Variants in ATP2A1 observed in about 807,000 individuals in gnomAD.
ATP2A1 encodes the protein sarcoplasmic/endoplasmic reticulum calcium ATPase 1.
ATP2A1 carries 83 observed loss-of-function variants against 109.5 expected under a neutral mutation model. The observed-to-expected ratio is 0.76, with a 90% CI of 0.63 to 0.91. The LOEUF is 0.91. ATP2A1 is among the 40% of genes least tolerant of loss of function. The pLI, the probability that ATP2A1 is intolerant of heterozygous loss-of-function variation, is 0.00. For synonymous variants in ATP2A1, 505 were observed against 537.6 expected (o/e 0.94, Z 0.84); for missense variants, 1,101 against 1,341.0 (o/e 0.82, Z 2.80).
intron 9 of ATP2A1, chr16:28,892,248 G>A: frequency 4.7e-6 from 1 of 210,830 alleles, no homozygotes; most frequent in Non-Finnish European, 1.0e-5. Context: ...AATGTCAAAC[G>A]TCAGCTTGAG....
chr16:28,886,081 G>A (rs1357680088), intron 6 of ATP2A1, among the ~76,000 whole-genome samples: 1 of 152,116 alleles, frequency 6.6e-6, no homozygotes, highest in Non-Finnish European at 1.5e-5. Flanking sequence ...TGAGGTGGGA[G>A]GATTGCCTAA....
intron 2 of ATP2A1, 56 bp from the exon 3 acceptor site, chr16:28,879,445 C>CAGACCTTCACCCACT: frequency 6.5e-7 from 1 of 1,547,644 alleles, no homozygotes; most frequent in Non-Finnish European, 8.9e-7. Flanking sequence ...CGCTCCATCC[C>CAGACCTTCACCCACT]AGACCTTCAC....
intron 6 of ATP2A1, 59 bp downstream of exon 6, chr16:28,884,714 A>G: frequency 4.7e-6 from 7 of 1,476,400 alleles, no homozygotes. Flanking sequence ...AAGAGGCAAC[A>G]AGGGGGAGGT....
chr16:28,904,156 C>T, intron 22 of ATP2A1, 24 bp from the exon 23 acceptor site: 1 of 1,599,904 alleles, frequency 6.3e-7, no homozygotes, highest in Admixed American at 1.7e-5. Flanking sequence ...CCGCCTGCCT[C>T]ATCCCTTCTC....
At chr16:28,878,887 TAAGG>T in intron 1 of ATP2A1, 98 bp downstream of exon 1, 2 of 1,425,568 alleles carry the variant, frequency 1.4e-6, no homozygotes, top group Non-Finnish European at 2.0e-6. Flanking sequence ...CAGGGTTTCT[TAAGG>T]AAGAGCTGGG....
In ATP2A1 at chr16:28,892,247, C is replaced by T. The variant is rs553551240; in HGVS notation, c.1096-1908C>T. 1.5e-4 allele frequency: 32 copies of T among 211,132 alleles called. 1 individual carries two copies. The South Asian group carries it at 1.6e-3, about 11-fold the overall frequency. The allele number at this position is 211,132 out of a possible 1,614,324, so 13.1% of individuals were successfully genotyped here. A position where few individuals can be genotyped will look rare whatever the true frequency, so the allele number is the denominator to read the frequency against. On this transcript the variant is annotated intron_variant, in intron 9 of 22. Coordinates refer to ENST00000395503, the MANE Select transcript of ATP2A1 (RefSeq NM_004320.6). ...TGCATAACTGGAAGGAAATGTCAAA[C>T]GTCAGCTTGAGAACAAGAAAAGCTG...
rs555479158 is a variant in ATP2A1, at chr16:28,902,930, C to T, written c.2744+19C>T. On this transcript the variant is annotated intron_variant, in intron 19 of 22. Transcript: ENST00000395503. This position sits in a 1 kb window ranked among gnomAD's most constrained non-coding sequence, Gnocchi z 4.8. ...TGAACAGGTGGGGGCCCCCCAGCTA[C>T]ACCCACCACCCTCCCCTGAGGCCAC... 1.5e-5 allele frequency: 24 copies of T among 1,613,738 alleles called. No homozygotes were observed. Among genetic ancestry groups the T allele is most frequent in the South Asian group, 6.6e-5 (6 of 91,074 alleles).
chr16:28,895,675 A>G (rs1483435488), intron 12 of ATP2A1, among the ~76,000 whole-genome samples: 1 of 151,002 alleles, frequency 6.6e-6, no homozygotes, highest in African/African-American at 2.5e-5. Flanking sequence ...AAAAAAAACG[A>G]AAACAAAAAC....
chr16:28,879,060 C>T, intron 1 of ATP2A1, 39 bp from the exon 2 acceptor site: 1 of 1,613,980 alleles, frequency 6.2e-7, no homozygotes, highest in Non-Finnish European at 8.5e-7. Flanking sequence ...GAGGCTGAAC[C>T]CCAAATGAAT....
chr16:28,902,984 C>T lies in ATP2A1; in HGVS notation c.2745-46C>T, dbSNP rs751190371. 9.3e-6 allele frequency: 15 copies of T among 1,613,472 alleles called. No individual in the cohort carries two copies. The highest frequency in any genetic ancestry group is 1.3e-5 in the Non-Finnish European group (15 of 1,179,800). On this transcript the variant is annotated intron_variant, in intron 19 of 22. Coordinates refer to ENST00000395503, the MANE Select transcript of ATP2A1 (RefSeq NM_004320.6). This position sits in a 1 kb window ranked among gnomAD's most constrained non-coding sequence, Gnocchi z 4.8. The stretch of plus-strand genomic sequence containing the variant: ...CCACATCCTCCACTGTGCCGCCCAC[C>T]TCCTTCCTCCTCACTGTGCCTTCTC...
At position 28,883,118 on chromosome 16, in the gene ATP2A1, C is replaced by A. The variant is rs540794637; in HGVS notation, c.463+529C>A. Among the ~76,000 whole-genome samples, 2 of 152,378 alleles carry A rather than the reference C, an allele frequency of 1.3e-5. No individual in the cohort carries two copies. The highest frequency in any genetic ancestry group is 1.3e-4 in the Admixed American group (2 of 15,312). On this transcript the variant is annotated intron_variant, in intron 5 of 22. Coordinates refer to ENST00000395503, the MANE Select transcript of ATP2A1 (RefSeq NM_004320.6). The surrounding 1 kb of genome is among the most constrained non-coding windows in gnomAD (Gnocchi z 5.2). Reference sequence around the variant, plus strand: ...GGAGGGAGCTCAAGGAGGGCCCCGCCCGCGGCAAGGGACACTTAATGCCTG... The same window carrying A: ...GGAGGGAGCTCAAGGAGGGCCCCGCACGCGGCAAGGGACACTTAATGCCTG...
In ATP2A1 at chr16:28,900,790, C is replaced by T. The variant is rs61626938; in HGVS notation, c.1974C>T (p.Phe658=). The T allele has an allele frequency of 5.3e-4, 848 of 1,614,180 alleles. No homozygotes were observed. In the African/African-American group the frequency reaches 9.7e-3, roughly 18 times the overall value. ...VADRAYTGRE[F]DDLPLAEQRE... is the part of the protein sequence containing the mutation. ...ATCGCGCCTACACGGGCCGAGAGTT[C>T]GACGACCTGCCCCTGGCTGAACAGC... Residue 658 remains phenylalanine, a synonymous_variant, in exon 15 of 23, where the codon TTC becomes TTT. Coordinates refer to ENST00000395503, the MANE Select transcript of ATP2A1 (RefSeq NM_004320.6).
intron 5 of ATP2A1, 108 bp from the exon 6 acceptor site, chr16:28,884,467 A>T: frequency 3.6e-6 from 4 of 1,102,150 alleles, no homozygotes; most frequent in Non-Finnish European, 5.4e-6. Flanking sequence ...CCTCCCTGAG[A>T]CCTGAAGGAT....
In ATP2A1 at chr16:28,903,003, C is replaced by A; in HGVS notation, c.2745-27C>A. 1 of 1,609,306 alleles carries A rather than the reference C, an allele frequency of 6.2e-7. No homozygotes were observed. Among genetic ancestry groups the A allele is most frequent in the Non-Finnish European group, 8.5e-7 (1 of 1,175,986 alleles). ...GCCCACCTCCTTCCTCCTCACTGTG[C>A]CTTCTCCCTCCCCTTCCCCTCTGCA... On this transcript the variant is annotated intron_variant, in intron 19 of 22. Coordinates refer to ENST00000395503, the MANE Select transcript of ATP2A1 (RefSeq NM_004320.6). This position sits in a 1 kb window ranked among gnomAD's most constrained non-coding sequence, Gnocchi z 5.6.
intron 9 of ATP2A1, 135 bp downstream of exon 9, chr16:28,889,088 G>A: frequency 7.8e-7 from 1 of 1,284,332 alleles, no homozygotes; most frequent in Non-Finnish European, 1.1e-6. Flanking sequence ...AAGGGCAGTA[G>A]AACGCCATCC....
Position 28,903,234 on chromosome 16 carries a change from G to A in ATP2A1, c.2862+87G>A, listed in dbSNP as rs539425928. ...GACCACTCCCACCAGGGGCGCCGAT[G>A]TGGGAGGCTGGTGGGAGTGGGCTGG... On this transcript the variant is annotated intron_variant, in intron 20 of 22. Coordinates refer to ENST00000395503, the MANE Select transcript of ATP2A1 (RefSeq NM_004320.6). This position sits in a 1 kb window ranked among gnomAD's most constrained non-coding sequence, Gnocchi z 5.6. 14 of 1,577,930 alleles carry A rather than the reference G, an allele frequency of 8.9e-6. No individual in the cohort carries two copies. The highest frequency in any genetic ancestry group is 7.7e-5 in the South Asian group (7 of 90,354).
chr16:28,879,254 G>A, intron 2 of ATP2A1, 138 bp downstream of exon 2: 1 of 1,194,228 alleles, frequency 8.4e-7, no homozygotes, highest in African/African-American at 1.5e-5. Flanking sequence ...CTAAAGGTTA[G>A]AGTCCTGTCC....
At position 28,900,652 on chromosome 16, in the gene ATP2A1, G is replaced by C. The variant is rs1964046751; in HGVS notation, c.1836G>C (p.Gln612His). Residue 612 changes from glutamine to histidine, a missense_variant, in exon 15 of 23, where the codon CAG becomes CAC. Gln to His is a conservative substitution (Grantham distance 24, BLOSUM62 0). Coordinates refer to ENST00000395503, the MANE Select transcript of ATP2A1 (RefSeq NM_004320.6). The stretch of plus-strand genomic sequence containing the variant: ...GCAAGGAGGTCACGGGCTCCATCCA[G>C]CTGTGCCGTGACGCCGGGATCCGGG... ...PPRKEVTGSI[Q>H]LCRDAGIRVI... 1.9e-6 allele frequency: 3 copies of C among 1,608,452 alleles called. No homozygotes were observed. The highest frequency in any genetic ancestry group is 2.6e-6 in the Non-Finnish European group (3 of 1,175,860).
At chr16:28,879,195 T>G in intron 2 of ATP2A1, 79 bp downstream of exon 2, 1 of 1,499,198 alleles carries the variant, frequency 6.7e-7, no homozygotes, top group Non-Finnish European at 9.2e-7. Flanking sequence ...TCCCTGCCTC[T>G]TTAGATTCTT....
Sources: gnomAD v4.1 joint callset for allele counts (sites outside exome capture counted in the v4.1 genomes callset) on GRCh38, gnomAD v4.1.1 for gene constraint, Gnocchi (gnomAD v3.1) non-coding constraint, MANE v1.5 for transcripts, NCBI Gene and HGNC (gene_info 2026-07-23, HGNC 2026-07-21) for gene names.